The following AK9 variants were observed in gnomAD, a reference collection of about 807,000 sequenced individuals.
AK9 encodes adenylate kinase domain containing 1.
In AK9, 191 loss-of-function variants were observed where a neutral mutation model predicts 239.6. The ratio of observed to expected loss-of-function variants is 0.80; its 90% CI spans 0.71 to 0.90. The LOEUF is 0.90. AK9 is among the 40% of genes least tolerant of loss of function. The pLI is 0.00. For missense variants in AK9, 1,995 were observed against 2,214.7 expected (o/e 0.90, Z 1.99); for synonymous variants, 689 against 721.0 (o/e 0.96, Z 0.71).
intron 28 of AK9, among the ~76,000 whole-genome samples, chr6:109,531,147 A>G (rs1781190896): frequency 6.6e-6 from 1 of 152,218 alleles, no homozygotes; most frequent in Non-Finnish European, 1.5e-5. Flanking sequence ...AAATACTGAG[A>G]AAAAAATTAG....
intron 19 of AK9, 62 bp from the exon 20 acceptor site, chr6:109,579,688 G>A: frequency 7.5e-7 from 1 of 1,337,796 alleles, no homozygotes; most frequent in Non-Finnish European, 1.0e-6. Context: ...CACTATTACA[G>A]GATTAAATGC....
chr6:109,511,914 T>C (rs1385332999), intron 32 of AK9, among the ~76,000 whole-genome samples: 1 of 152,216 alleles, frequency 6.6e-6, no homozygotes, highest in Non-Finnish European at 1.5e-5. Context: ...TGGGATCTTA[T>C]TTTGCATGTC....
At chr6:109,558,663 C>A (rs948580988) in intron 24 of AK9, among the ~76,000 whole-genome samples, 2 of 152,010 alleles carry the variant, frequency 1.3e-5, no homozygotes, top group Non-Finnish European at 2.9e-5. Flanking sequence ...TGTATTAATT[C>A]TCTTACTTGG....
At chr6:109,580,887 G>A (rs1203305420) in intron 19 of AK9, among the ~76,000 whole-genome samples, 2 of 148,392 alleles carry the variant, frequency 1.3e-5, no homozygotes, top group East Asian at 2.1e-4. Context: ...GCTTCATTGC[G>A]CTTTACAGAT....
chr6:109,689,533 G>A (rs927128), intron 1 of AK9, among the ~76,000 whole-genome samples: 4,651 of 152,230 alleles, frequency 0.031, 247 homozygotes, highest in African/African-American at 0.11. Context: ...GGAAGTTGGC[G>A]AATAAATACT....
chr6:109,648,548 T>C (rs1179722372), intron 8 of AK9, among the ~76,000 whole-genome samples: 3 of 152,082 alleles, frequency 2.0e-5, no homozygotes, highest in African/African-American at 4.8e-5. Context: ...CAGGAAGAAG[T>C]TGAATCTCTG....
intron 9 of AK9, 192 bp downstream of exon 9, chr6:109,644,422 G>A (rs754172132): frequency 3.9e-5 from 17 of 438,976 alleles, no homozygotes; most frequent in Non-Finnish European, 5.8e-5. Context: ...TTTTAAATTC[G>A]AATGTAGTTT....
intron 21 of AK9, 54 bp from the exon 22 acceptor site, chr6:109,564,899 A>G: frequency 7.4e-7 from 1 of 1,348,622 alleles, no homozygotes; most frequent in South Asian, 1.5e-5. Flanking sequence ...TTATTCCTTT[A>G]TGAAAGTTTT....
chr6:109,647,804 C>A (rs1334438466), intron 8 of AK9, among the ~76,000 whole-genome samples: 1 of 151,166 alleles, frequency 6.6e-6, no homozygotes, highest in African/African-American at 2.4e-5. Context: ...CAGCACCACA[C>A]CACACCTACT....
intron 17 of AK9, among the ~76,000 whole-genome samples, chr6:109,589,640 C>G (rs1789959756): frequency 1.3e-5 from 2 of 152,076 alleles, no homozygotes; most frequent in Admixed American, 6.6e-5. Context: ...GTATCCTTGT[C>G]TTGTTATTAG....
intron 20 of AK9, among the ~76,000 whole-genome samples, chr6:109,575,917 G>T (rs1050510780): frequency 1.6e-4 from 24 of 152,146 alleles, no homozygotes; most frequent in African/African-American, 4.3e-4. Context: ...GTTGAATAGG[G>T]TGTCCTTTCT....
In AK9 at chr6:109,546,123, G is replaced by A. The variant is rs1418398139; in HGVS notation, c.2969C>T (p.Pro990Leu). The A allele has an allele frequency of 1.3e-6, 2 of 1,591,782 alleles. No homozygotes were observed. The highest frequency in any genetic ancestry group is 1.7e-6 in the Non-Finnish European group (2 of 1,168,836). The change falls in exon 26 of 41, where the codon CCT (proline) becomes CTT (leucine). Residue 990 changes from proline (P) to leucine (L), a missense_variant. Coordinates refer to ENST00000424296, the MANE Select transcript of AK9 (RefSeq NM_001145128.3). ...YVAHEEPLKA[P>L]PLRICLVGPQ... ...GCCGACAAGGCATATTCTTAATGGA[G>A]GAGCCTGTCACAGGGGGTGGGTCAG...
At chr6:109,632,328 C>T (rs1241584491) in intron 12 of AK9, 2 of 984,738 alleles carry the variant, frequency 2.0e-6, no homozygotes, top group Non-Finnish European at 2.4e-6. Flanking sequence ...ATCCTCAAGC[C>T]ACATTGCCCC....
At chr6:109,567,183 C>A (rs149607407) in intron 21 of AK9, among the ~76,000 whole-genome samples, 1 of 152,000 alleles carries the variant, frequency 6.6e-6, no homozygotes, top group South Asian at 2.1e-4. Context: ...AGACTGCTAG[C>A]AAGACTAATG....
In AK9 at chr6:109,585,178, A is replaced by G; in HGVS notation, c.2059T>C (p.Leu687=). Residue 687 remains leucine, a synonymous_variant, in exon 19 of 41, where the codon TTA becomes CTA. Coordinates refer to ENST00000424296, the MANE Select transcript of AK9 (RefSeq NM_001145128.3). The part of the protein sequence containing the change: ...QKKSEIDSKI[L]ERLLEELQKK... ...TGTAGTTCTTCTAATAATCTTTCTA[A>G]AATCTTAGAGTCAATTTCAGATTTC... is the stretch of plus-strand genomic sequence containing the variant. 1 of 1,079,630 alleles carries G rather than the reference A, an allele frequency of 9.3e-7. No individual in the cohort carries two copies. 66.9% of individuals were successfully genotyped at this position (1,079,630 alleles called of 1,614,324 possible).
At chr6:109,654,316 G>A (rs527562618) in intron 8 of AK9, among the ~76,000 whole-genome samples, 3 of 151,644 alleles carry the variant, frequency 2.0e-5, no homozygotes, top group East Asian at 3.9e-4. Context: ...GCATCACATC[G>A]CATTGTTTTA....
At chr6:109,622,266 C>A in intron 12 of AK9, among the ~76,000 whole-genome samples, 1 of 141,288 alleles carries the variant, frequency 7.1e-6, no homozygotes. Flanking sequence ...ATATACATTC[C>A]TATAAGAAAA....
intron 9 of AK9, among the ~76,000 whole-genome samples, chr6:109,642,079 C>T (rs964859084): frequency 3.3e-5 from 5 of 152,016 alleles, no homozygotes; most frequent in Non-Finnish European, 7.4e-5. Flanking sequence ...AGTTTTGCTG[C>T]CATAAGTCAA....
intron 29 of AK9, chr6:109,528,784 A>T: frequency 1.5e-6 from 1 of 662,602 alleles, no homozygotes; most frequent in Non-Finnish European, 2.6e-6. Flanking sequence ...AAATCAGGTT[A>T]CAAGAGGGTC....
Sources: allele counts gnomAD v4.1 joint callset (sites outside exome capture counted in the v4.1 genomes callset), GRCh38; gene constraint gnomAD v4.1.1; transcripts MANE v1.5; gene names NCBI Gene and HGNC (gene_info 2026-07-23, HGNC 2026-07-21).